Variants in NAV3 observed in about 807,000 individuals in gnomAD.
NAV3 encodes the protein pore membrane and/or filament interacting like protein 1.
A neutral mutation model predicts 244.7 loss-of-function variants in NAV3; 87 were observed. That is an observed-to-expected ratio of 0.36 (90% CI 0.30 to 0.42). NAV3 has a LOEUF of 0.42. Among genes scored for constraint, NAV3 ranks in the 20% least tolerant of loss-of-function variants. The pLI is 1.00. For synonymous variants in NAV3, 1,126 were observed against 1,042.2 expected, an observed-to-expected ratio of 1.08 and a Z score of -1.55; for missense variants, 2,663 against 2,893.3, an observed-to-expected ratio of 0.92 and a Z score of 1.83.
At chr12:78,191,070 C>CTGGT (rs1958955533) in intron 34 of NAV3, among the ~76,000 whole-genome samples, 1 of 152,086 alleles carries the variant, frequency 6.6e-6, no homozygotes, top group South Asian at 2.1e-4. Flanking sequence ...CAAGGATAAC[C>CTGGT]TGGTTCAATG....
rs189482041 is a variant in NAV3, at chr12:78,009,491, A to C, written c.1907+2046A>C. 2.4e-3 allele frequency among the ~76,000 whole-genome samples: 363 copies of C among 150,914 alleles called. 1 individual carries two copies. Among genetic ancestry groups the C allele is most frequent in the Non-Finnish European group, 3.8e-3 (256 of 67,696 alleles). Reference sequence around the variant, plus strand: ...AAAAAAGAGAAAAAAAGGGCGATAGAATATGTCTTACTCTACCATTGTTCA... The same window carrying C: ...AAAAAAGAGAAAAAAAGGGCGATAGCATATGTCTTACTCTACCATTGTTCA... On this transcript the variant is annotated intron_variant, in intron 8 of 39. Transcript: ENST00000397909.
intron 2 of NAV3, among the ~76,000 whole-genome samples, chr12:77,715,780 A>G (rs770544): frequency 0.96 from 146,676 of 152,094 alleles, 70,769 homozygotes; most frequent in East Asian, 1. Flanking sequence ...TTCATGTTGT[A>G]TATTTTTCTG....
intron 2 of NAV3, among the ~76,000 whole-genome samples, chr12:77,645,773 GT>G (rs1282662986): frequency 6.6e-6 from 1 of 151,992 alleles, no homozygotes; most frequent in Non-Finnish European, 1.5e-5. Flanking sequence ...AGCTCCATAG[GT>G]GTTATACATA....
At chr12:77,615,256 T>C (rs1347928160) in intron 2 of NAV3, among the ~76,000 whole-genome samples, 1 of 152,176 alleles carries the variant, frequency 6.6e-6, no homozygotes. Flanking sequence ...ATTTTATTTA[T>C]TTATTTTTTT....
chr12:77,588,552 C>T (rs1418814035), intron 2 of NAV3, among the ~76,000 whole-genome samples: 2 of 152,158 alleles, frequency 1.3e-5, no homozygotes, highest in Non-Finnish European at 1.5e-5. Context: ...TTGCATTTTT[C>T]ATGGATACCT....
intron 1 of NAV3, among the ~76,000 whole-genome samples, chr12:77,870,375 A>C (rs1462978975): frequency 3.3e-5 from 5 of 151,934 alleles, no homozygotes; most frequent in African/African-American, 9.7e-5. Flanking sequence ...AAAAAAAAAA[A>C]AAAAAGAAAA....
At chr12:77,944,199 G>A (rs1565944189) in intron 3 of NAV3, among the ~76,000 whole-genome samples, 3 of 152,288 alleles carry the variant, frequency 2.0e-5, no homozygotes, top group South Asian at 4.1e-4. Context: ...GAACAAGGAA[G>A]CCTGATAGTG....
chr12:77,791,269 G>T (rs544811443), intron 2 of NAV3, among the ~76,000 whole-genome samples: 1 of 150,176 alleles, frequency 6.7e-6, no homozygotes, highest in Admixed American at 6.7e-5. Context: ...TAGAAGAATT[G>T]CTTGAACCCG....
In NAV3 at chr12:78,001,723, G is replaced by C. The variant is rs956984034; in HGVS notation, c.880+3247G>C. On this transcript the variant is annotated intron_variant, in intron 7 of 39. Transcript: ENST00000397909. ...TAAAATATCAGCACACATTGTAGTA[G>C]GTTATCATTGGCAGAGAAGGCTGAA... Among the ~76,000 whole-genome samples the C allele has an allele frequency of 2.0e-5, 3 of 152,278 alleles. No homozygotes were observed. The East Asian group carries it at 5.8e-4, about 29-fold the overall frequency.
intron 38 of NAV3, among the ~76,000 whole-genome samples, chr12:78,204,049 G>A (rs1005511499): frequency 5.9e-5 from 9 of 151,964 alleles, no homozygotes; most frequent in African/African-American, 2.2e-4. Flanking sequence ...TGATAATTCA[G>A]TTTCCTATTT....
intron 1 of NAV3, among the ~76,000 whole-genome samples, chr12:77,865,543 T>G: frequency 6.6e-6 from 1 of 152,124 alleles, no homozygotes; most frequent in East Asian, 1.9e-4. Context: ...TCTATGTGGT[T>G]ACTGCTGTTT....
chr12:77,954,259 A>G (rs536297977), intron 3 of NAV3, among the ~76,000 whole-genome samples: 1 of 152,248 alleles, frequency 6.6e-6, no homozygotes, highest in South Asian at 2.1e-4. Flanking sequence ...ACATTCAACC[A>G]TATATTTATT....
At chr12:77,917,548 G>T (rs776155297) in intron 1 of NAV3, among the ~76,000 whole-genome samples, 2 of 151,954 alleles carry the variant, frequency 1.3e-5, no homozygotes, top group East Asian at 1.9e-4. Context: ...CATGTGTAAC[G>T]GTCCTATTTT....
chr12:78,114,913 A>C (rs1955293862), intron 12 of NAV3, among the ~76,000 whole-genome samples: 1 of 152,212 alleles, frequency 6.6e-6, no homozygotes, highest in African/African-American at 2.4e-5. Flanking sequence ...CAGCAGCTAA[A>C]ACTTCAAGCA....
intron 28 of NAV3, 37 bp downstream of exon 28, chr12:78,177,722 C>T (rs367582750): frequency 1.3e-6 from 2 of 1,574,572 alleles, no homozygotes; most frequent in South Asian, 1.1e-5. Flanking sequence ...CTGCAAAGAT[C>T]CAGGTTCTAA....
At chr12:78,002,831 ATATATC>A (rs1345356015) in intron 7 of NAV3, among the ~76,000 whole-genome samples, 1 of 151,928 alleles carries the variant, frequency 6.6e-6, no homozygotes, top group African/African-American at 2.4e-5. Flanking sequence ...AAATATATGT[ATATATC>A]TATATCTATA....
chr12:77,627,696 G>T (rs1187939090), intron 2 of NAV3, among the ~76,000 whole-genome samples: 2 of 152,112 alleles, frequency 1.3e-5, no homozygotes, highest in Non-Finnish European at 2.9e-5. Context: ...CAAAGGAAAG[G>T]AAATCAGCAT....
intron 2 of NAV3, among the ~76,000 whole-genome samples, chr12:77,657,616 C>T (rs545482265): frequency 1.3e-5 from 2 of 152,276 alleles, no homozygotes; most frequent in African/African-American, 4.8e-5. Flanking sequence ...ATGAGGCCAG[C>T]ATCATCCTGA....
chr12:77,944,024 T>G (rs1450925226), intron 3 of NAV3, among the ~76,000 whole-genome samples: 1 of 152,126 alleles, frequency 6.6e-6, no homozygotes, highest in East Asian at 1.9e-4. Flanking sequence ...ATAATAACAT[T>G]TGGATGAACT....
Sources: allele counts gnomAD v4.1 joint callset (sites outside exome capture counted in the v4.1 genomes callset), GRCh38; gene constraint gnomAD v4.1.1; transcripts MANE v1.5; gene names NCBI Gene and HGNC (gene_info 2026-07-23, HGNC 2026-07-21).